The following OSBPL1A variants were observed in gnomAD, a reference collection of about 807,000 sequenced individuals.
OSBPL1A encodes the protein oxysterol binding protein like 1A, also known as oxysterol-binding protein-related protein 1.
Under a neutral mutation model 137.1 loss-of-function variants are expected in OSBPL1A, and 80 were observed. The ratio of observed to expected loss-of-function variants is 0.58; its 90% CI spans 0.49 to 0.70. OSBPL1A has a LOEUF of 0.70. Among genes scored for constraint, OSBPL1A ranks in the 30% least tolerant of loss-of-function variants. The probability of loss-of-function intolerance (pLI) is 0.00; values close to 1 mark genes in which losing one functional copy is unlikely to be tolerated. For synonymous variants in OSBPL1A, 365 were observed against 389.7 expected (o/e 0.94, Z 0.75); for missense variants, 970 against 1,129.4 (o/e 0.86, Z 2.02).
intron 15 of OSBPL1A, among the ~76,000 whole-genome samples, chr18:24,239,738 AAC>A (rs1325254466): frequency 1.3e-5 from 2 of 152,196 alleles, no homozygotes; most frequent in Non-Finnish European, 2.9e-5. Flanking sequence ...AGTTAAAAAA[AAC>A]AGTTTCAGCA....
chr18:24,181,530 C>T (rs4800178), intron 18 of OSBPL1A, among the ~76,000 whole-genome samples: 127,743 of 152,228 alleles, frequency 0.84, 53,938 homozygotes, highest in East Asian at 0.89. Flanking sequence ...GAGCTCACTA[C>T]CTGCTGGTGA....
chr18:24,312,077 A>G lies in OSBPL1A; in HGVS notation c.999T>C (p.Ser333=), dbSNP rs1282533882. ...GGGAACAGTAGTGAGTGCTGTAAGC[A>G]GAATGTTCTTCTATTGCTTCCAGCC... ...EDWLEAIEEH[S]AYSTHYCSQD... is the part of the protein sequence containing the mutation. Residue 333 remains serine (S), a synonymous_variant, in exon 13 of 28, where the codon TCT becomes TCC. Transcript: ENST00000319481. 6.8e-6 allele frequency: 11 copies of G among 1,613,964 alleles called. No individual in the cohort carries two copies. Among genetic ancestry groups the G allele is most frequent in the Admixed American group, 1.7e-5 (1 of 59,998 alleles).
At chr18:24,203,346 C>T (rs1219139986) in intron 17 of OSBPL1A, among the ~76,000 whole-genome samples, 1 of 152,206 alleles carries the variant, frequency 6.6e-6, no homozygotes, top group Non-Finnish European at 1.5e-5. Context: ...TCCTCCTGCA[C>T]TCTCCAATAC....
At chr18:24,265,567 A>C (rs570187233) in intron 15 of OSBPL1A, among the ~76,000 whole-genome samples, 1 of 152,306 alleles carries the variant, frequency 6.6e-6, no homozygotes, top group Admixed American at 6.5e-5. Flanking sequence ...ACCCAGAAAA[A>C]CAACAACAAA....
intron 15 of OSBPL1A, among the ~76,000 whole-genome samples, chr18:24,256,786 A>G (rs1457464510): frequency 6.6e-6 from 1 of 152,106 alleles, no homozygotes; most frequent in Non-Finnish European, 1.5e-5. Flanking sequence ...ATCAACATAC[A>G]AAAATCAGTA....
chr18:24,187,318 T>C (rs2086777046), intron 18 of OSBPL1A, among the ~76,000 whole-genome samples: 1 of 152,184 alleles, frequency 6.6e-6, no homozygotes, highest in Admixed American at 6.5e-5. Flanking sequence ...ACAGTGGTGA[T>C]GGTAGCACAG....
chr18:24,163,307 T>C, intron 27 of OSBPL1A, 26 bp from the exon 28 acceptor site: 1 of 1,513,492 alleles, frequency 6.6e-7, no homozygotes, highest in East Asian at 2.3e-5. Flanking sequence ...GGACAAGACT[T>C]ACAGGGGAAA....
At chr18:24,328,503 T>C (rs1192995177) in intron 7 of OSBPL1A, among the ~76,000 whole-genome samples, 6 of 152,182 alleles carry the variant, frequency 3.9e-5, no homozygotes. Flanking sequence ...CATGAACCTG[T>C]ATCTGTCTTA....
chr18:24,308,927 T>C (rs1219634064), intron 13 of OSBPL1A, among the ~76,000 whole-genome samples: 1 of 152,120 alleles, frequency 6.6e-6, no homozygotes, highest in Non-Finnish European at 1.5e-5. Flanking sequence ...CCCGCCACCA[T>C]GCCTGGCTAA....
At chr18:24,276,325 G>A (rs1448110955) in intron 15 of OSBPL1A, among the ~76,000 whole-genome samples, 1 of 152,156 alleles carries the variant, frequency 6.6e-6, no homozygotes, top group African/African-American at 2.4e-5. Context: ...CTGTTATACT[G>A]TTTCCAAGAA....
chr18:24,233,124 C>T (rs972812700), intron 16 of OSBPL1A, among the ~76,000 whole-genome samples: 1 of 152,136 alleles, frequency 6.6e-6, no homozygotes, highest in Non-Finnish European at 1.5e-5. Context: ...CAGGAATTTT[C>T]CGTGAAACTG....
intron 17 of OSBPL1A, among the ~76,000 whole-genome samples, chr18:24,218,040 A>G (rs1599509550): frequency 6.6e-6 from 1 of 152,186 alleles, no homozygotes; most frequent in Non-Finnish European, 1.5e-5. Context: ...AGGGAAGAGG[A>G]AACCTGGAGT....
chr18:24,209,783 C>T (rs913076672), intron 17 of OSBPL1A, among the ~76,000 whole-genome samples: 10 of 152,290 alleles, frequency 6.6e-5, no homozygotes, highest in Admixed American at 5.9e-4. Context: ...AAGGAGCACA[C>T]GCACTGTGAT....
chr18:24,363,776 G>A (rs1016113787), intron 4 of OSBPL1A, among the ~76,000 whole-genome samples: 1 of 151,752 alleles, frequency 6.6e-6, no homozygotes, highest in African/African-American at 2.4e-5. Flanking sequence ...CGAGCAGTTG[G>A]GACTACAGAT....
At chr18:24,388,903 C>T (rs1172017821) in intron 1 of OSBPL1A, among the ~76,000 whole-genome samples, 1 of 151,650 alleles carries the variant, frequency 6.6e-6, no homozygotes, top group Non-Finnish European at 1.5e-5. Context: ...TAATTTGATG[C>T]ATCTTTAATT....
intron 18 of OSBPL1A, among the ~76,000 whole-genome samples, chr18:24,184,771 G>A (rs563834988): frequency 9.9e-5 from 15 of 152,066 alleles, no homozygotes; most frequent in African/African-American, 3.4e-4. Flanking sequence ...TGCCCCAGAT[G>A]CACCCTGCAT....
chr18:24,318,658 T>A lies in OSBPL1A; in HGVS notation c.688-13A>T, dbSNP rs565334133. 15 of 1,608,936 alleles carry A rather than the reference T, an allele frequency of 9.3e-6. No homozygotes were observed. The South Asian group carries it at 1.6e-4, about 17-fold the overall frequency. On this transcript the variant is annotated splice_polypyrimidine_tract_variant and intron_variant, in intron 8 of 27. Coordinates refer to ENST00000319481, the MANE Select transcript of OSBPL1A (RefSeq NM_080597.4). Reference sequence around the variant, plus strand: ...CTTTGTAGATGACCTGTCAAAAACATGTTTTCATGAAAAATGCATCTACAT... The same window carrying A: ...CTTTGTAGATGACCTGTCAAAAACAAGTTTTCATGAAAAATGCATCTACAT...
At chr18:24,261,229 T>C (rs1562104) in intron 15 of OSBPL1A, among the ~76,000 whole-genome samples, 1,816 of 152,252 alleles carry the variant, frequency 0.012, 49 homozygotes, top group African/African-American at 0.042. Flanking sequence ...GATAAAAAGC[T>C]GATCAATACT....
At chr18:24,329,843 ACT>A (rs747123017) in intron 7 of OSBPL1A, among the ~76,000 whole-genome samples, 16 of 152,186 alleles carry the variant, frequency 1.1e-4, no homozygotes, top group Non-Finnish European at 1.9e-4. Flanking sequence ...TCTAAATCTT[ACT>A]ATGGTAAGCT....
Sources: allele counts gnomAD v4.1 joint callset (sites outside exome capture counted in the v4.1 genomes callset), GRCh38; gene constraint gnomAD v4.1.1; transcripts MANE v1.5; gene names NCBI Gene and HGNC (gene_info 2026-07-23, HGNC 2026-07-21).